Variants in SH3KBP1 observed in about 807,000 individuals in gnomAD.
SH3KBP1 encodes the protein SH3 domain-containing kinase-binding protein 1.
In SH3KBP1, 8 loss-of-function variants were observed where a neutral mutation model predicts 50.1. The ratio of observed to expected loss-of-function variants is 0.16; its 90% CI spans 0.09 to 0.29. The LOEUF (loss-of-function observed/expected upper bound fraction) is 0.29. SH3KBP1 is among the 10% of genes least tolerant of loss of function. The pLI, the probability that SH3KBP1 is intolerant of heterozygous loss-of-function variation, is 1.00. For missense variants in SH3KBP1, 377 were observed against 535.2 expected, an observed-to-expected ratio of 0.70 and a Z score of 2.92; for synonymous variants, 227 against 218.6, an observed-to-expected ratio of 1.04 and a Z score of -0.34.
chrX:19,631,817 C>T (rs1231792327), intron 8 of SH3KBP1, 47 bp downstream of exon 8: 3 of 890,427 alleles, frequency 3.4e-6, no homozygotes, highest in Non-Finnish European at 4.9e-6. Context: ...CAGTCAACAC[C>T]CCAAAGCAGT....
intron 8 of SH3KBP1, among the ~76,000 whole-genome samples, chrX:19,630,056 A>C (rs753473776): frequency 1.8e-5 from 2 of 112,298 alleles, no homozygotes; most frequent in African/African-American, 6.5e-5. Flanking sequence ...ATGTGTTCTC[A>C]TTATGATATG....
chrX:19,867,080 T>A (rs1451453681), intron 1 of SH3KBP1, among the ~76,000 whole-genome samples: 1 of 111,666 alleles, frequency 9.0e-6, no homozygotes, highest in Non-Finnish European at 1.9e-5. Flanking sequence ...TTCAACAAAA[T>A]TTTTCTTTCG....
intron 14 of SH3KBP1, 130 bp from the exon 15 acceptor site, chrX:19,546,180 G>T: frequency 1.3e-6 from 1 of 759,657 alleles, no homozygotes; most frequent in Non-Finnish European, 1.9e-6. Context: ...AACCCTGTGA[G>T]GCAAAAAAGT....
At chrX:19,598,201 AC>A (rs2066964538) in intron 9 of SH3KBP1, among the ~76,000 whole-genome samples, 1 of 110,543 alleles carries the variant, frequency 9.0e-6, no homozygotes, top group Non-Finnish European at 1.9e-5. Context: ...GACCACTCAA[AC>A]TTTCTCCATA....
At chrX:19,583,757 A>G (rs1434337673) in intron 12 of SH3KBP1, among the ~76,000 whole-genome samples, 1 of 105,387 alleles carries the variant, frequency 9.5e-6, no homozygotes, top group Non-Finnish European at 1.9e-5. Context: ...TTATAGTATT[A>G]TTATAATTAT....
intron 8 of SH3KBP1, among the ~76,000 whole-genome samples, chrX:19,613,103 C>T (rs764692289): frequency 1.8e-5 from 2 of 112,208 alleles, no homozygotes; most frequent in African/African-American, 3.2e-5. Context: ...TTGTGAGGCC[C>T]GACTGCCATC....
chrX:19,710,255 A>G (rs1342540382), intron 3 of SH3KBP1, among the ~76,000 whole-genome samples: 1 of 112,480 alleles, frequency 8.9e-6, no homozygotes, highest in African/African-American at 3.2e-5. Flanking sequence ...TGAATCATCC[A>G]TTTGTCCAGC....
At chrX:19,644,508 T>C (rs1183176882) in intron 7 of SH3KBP1, among the ~76,000 whole-genome samples, 2 of 111,664 alleles carry the variant, frequency 1.8e-5, no homozygotes, top group Non-Finnish European at 3.8e-5. Flanking sequence ...ACAACATTGT[T>C]TTAAAAAGAA....
At chrX:19,595,897 T>C (rs1037468878) in intron 9 of SH3KBP1, among the ~76,000 whole-genome samples, 1 of 112,182 alleles carries the variant, frequency 8.9e-6, no homozygotes, top group Non-Finnish European at 1.9e-5. Flanking sequence ...CTTAATGTTT[T>C]TCTGTATTGT....
chrX:19,872,837 A>T (rs746833525), intron 1 of SH3KBP1, among the ~76,000 whole-genome samples: 205 of 100,595 alleles, frequency 2.0e-3, no homozygotes, highest in African/African-American at 8.1e-3. Flanking sequence ...TCTCTCTCAC[A>T]CACACACACA....
At chrX:19,875,175 A>G (rs750487067) in intron 1 of SH3KBP1, among the ~76,000 whole-genome samples, 3 of 111,295 alleles carry the variant, frequency 2.7e-5, no homozygotes, top group African/African-American at 9.8e-5. Context: ...CCCTTCCCCC[A>G]TGGCATGCTA....
chrX:19,571,019 G>A (rs1490689090), intron 12 of SH3KBP1, among the ~76,000 whole-genome samples: 1 of 111,810 alleles, frequency 8.9e-6, no homozygotes, highest in Non-Finnish European at 1.9e-5. Flanking sequence ...TGGGAGAAAA[G>A]GACCAATGGA....
intron 1 of SH3KBP1, among the ~76,000 whole-genome samples, chrX:19,870,985 A>T (rs1449392254): frequency 1.8e-5 from 2 of 111,712 alleles, no homozygotes; most frequent in Non-Finnish European, 3.8e-5. Flanking sequence ...TGTGAGGGGA[A>T]CTTTAGCACT....
chrX:19,541,035 C>G (rs2064873641), intron 16 of SH3KBP1, among the ~76,000 whole-genome samples: 1 of 111,102 alleles, frequency 9.0e-6, no homozygotes, highest in African/African-American at 3.3e-5. Context: ...CTGCCTCAGC[C>G]TCCCAAGTGG....
chrX:19,622,807 C>T (rs2067879677), intron 8 of SH3KBP1, among the ~76,000 whole-genome samples: 1 of 112,037 alleles, frequency 8.9e-6, no homozygotes, highest in African/African-American at 3.2e-5. Context: ...CTTTGGGAGG[C>T]CAAGGCAGGC....
intron 12 of SH3KBP1, among the ~76,000 whole-genome samples, chrX:19,579,109 G>C (rs186011994): frequency 8.9e-6 from 1 of 112,107 alleles, no homozygotes; most frequent in Non-Finnish European, 1.9e-5. Flanking sequence ...TGCATCGTGC[G>C]TCCTTGTCTG....
intron 2 of SH3KBP1, among the ~76,000 whole-genome samples, chrX:19,764,706 T>C: frequency 9.0e-6 from 1 of 111,507 alleles, no homozygotes; most frequent in Non-Finnish European, 1.9e-5. Flanking sequence ...TGCCTTAATA[T>C]ATATCAAGTC....
At chrX:19,643,116 C>T (rs1192263060) in intron 7 of SH3KBP1, among the ~76,000 whole-genome samples, 9 of 108,886 alleles carry the variant, frequency 8.3e-5, no homozygotes, top group African/African-American at 3.0e-4. Context: ...TACTCTGTGG[C>T]CTGTTACCTA....
chrX:19,834,261 C>A (rs1011820668), intron 2 of SH3KBP1, among the ~76,000 whole-genome samples: 1 of 112,243 alleles, frequency 8.9e-6, no homozygotes, highest in African/African-American at 3.2e-5. Context: ...ACCCAGCCCT[C>A]AGGGCTCCTT....
Sources: gnomAD v4.1 joint callset for allele counts (sites outside exome capture counted in the v4.1 genomes callset) on GRCh38, gnomAD v4.1.1 for gene constraint, MANE v1.5 for transcripts, NCBI Gene and HGNC (gene_info 2026-07-23, HGNC 2026-07-21) for gene names.